Variants in QRFPR observed in about 807,000 individuals in gnomAD.
QRFPR encodes pyroglutamylated RFamide peptide receptor, also known as pyroglutamylated RF-amide peptide receptor.
Under a neutral mutation model 31.3 loss-of-function variants are expected in QRFPR, and 37 were observed. The observed-to-expected ratio is 1.18, with a 90% CI of 0.91 to 1.56. The LOEUF (loss-of-function observed/expected upper bound fraction) is 1.56. QRFPR is among the 40% of genes most tolerant of loss of function. QRFPR has a pLI of 0.00. For missense variants in QRFPR, 542 were observed against 532.5 expected, an observed-to-expected ratio of 1.02 and a Z score of -0.18; for synonymous variants, 197 against 192.0, an observed-to-expected ratio of 1.03 and a Z score of -0.22.
chr4:121,344,373 C>G (rs1007121344), intron 1 of QRFPR, among the ~76,000 whole-genome samples: 6 of 152,160 alleles, frequency 3.9e-5, no homozygotes, highest in African/African-American at 1.2e-4. Flanking sequence ...TTTAATAACC[C>G]ACCTGTGAAT....
intron 1 of QRFPR, among the ~76,000 whole-genome samples, chr4:121,365,962 T>C (rs1315750016): frequency 1.4e-5 from 2 of 147,974 alleles, no homozygotes; most frequent in East Asian, 4.1e-4. Flanking sequence ...TTACTTATAG[T>C]CAGTGTGCAA....
chr4:121,369,625 G>A (rs1402927541), intron 1 of QRFPR: 1 of 1,609,154 alleles, frequency 6.2e-7, no homozygotes, highest in African/African-American at 1.3e-5. Context: ...GGTAGGCCTG[G>A]GTGGCAAAAC....
chr4:121,380,669 G>C lies in QRFPR; in HGVS notation c.-22C>G, dbSNP rs746860676. 3 of 1,484,924 alleles carry C rather than the reference G, an allele frequency of 2.0e-6. No individual in the cohort carries two copies. Among genetic ancestry groups the C allele is most frequent in the Non-Finnish European group, 2.7e-6 (3 of 1,113,856 alleles). The allele number at this position is 1,484,924 out of a possible 1,614,324, so 92.0% of individuals were successfully genotyped here. On this transcript the variant is annotated 5_prime_UTR_variant, in exon 1 of 6. Transcript: ENST00000394427. ...GCATTGCTGTGCGCTCCCGGGACGC[G>C]GGGCCACCGCCCGCTACTGGCTGGC...
intron 1 of QRFPR, among the ~76,000 whole-genome samples, chr4:121,355,582 T>C (rs1725851996): frequency 6.6e-6 from 1 of 152,110 alleles, no homozygotes; most frequent in African/African-American, 2.4e-5. Flanking sequence ...ATCTTTATTA[T>C]TCCTACCTTC....
chr4:121,336,710 T>C, intron 3 of QRFPR, 97 bp downstream of exon 3: 1 of 927,142 alleles, frequency 1.1e-6, no homozygotes, highest in Admixed American at 1.7e-5. Context: ...GTCATACAAA[T>C]TTGCTGTATT....
At chr4:121,376,155 C>G (rs1400679098) in intron 1 of QRFPR, among the ~76,000 whole-genome samples, 1 of 152,126 alleles carries the variant, frequency 6.6e-6, no homozygotes, top group Non-Finnish European at 1.5e-5. Context: ...CAGAGCAACT[C>G]CACCCTCATA....
rs773846571 is a variant in QRFPR, at chr4:121,330,472, A to G, written c.849T>C (p.Ala283=). 6.2e-7 allele frequency: 1 copy of G among 1,614,080 alleles called. No homozygotes were observed. Among genetic ancestry groups the G allele is most frequent in the South Asian group, 1.1e-5 (1 of 91,078 alleles). Residue 283 remains alanine (A), a synonymous_variant, in exon 5 of 6, where the codon GCT becomes GCC. Transcript: ENST00000394427. The part of the protein sequence containing the change: ...IMMVTVVALF[A]VCWAPFHVVH... ...CAACATGGAATGGTGCCCAGCACAC[A>G]GCAAAGAGAGCCACCACTGTCACCA...
At chr4:121,380,197 GAGAGAGAGA>G (rs1560749195) in intron 1 of QRFPR, 102 bp downstream of exon 1, 20,413 of 438,918 alleles carry the variant, frequency 0.047, 716 homozygotes, top group Non-Finnish European at 0.05. Context: ...GAGAGAGAGA[GAGAGAGAGA>G]GAGAGAGAGA....
At chr4:121,343,190 A>G (rs1725577461) in intron 1 of QRFPR, among the ~76,000 whole-genome samples, 1 of 152,220 alleles carries the variant, frequency 6.6e-6, no homozygotes. Context: ...ACTGATGTTT[A>G]CATCAGCCTT....
Position 121,380,802 on chromosome 4 carries a change from G to C in QRFPR, c.-155C>G. ...GGGAGGGCTCTAGGCTGCACCCCGGGAGGTTCGGGAAAGGAGAGCAGCTCA... is the reference window on the plus strand; with the variant it reads ...GGGAGGGCTCTAGGCTGCACCCCGGCAGGTTCGGGAAAGGAGAGCAGCTCA... On this transcript the variant is annotated 5_prime_UTR_variant, in exon 1 of 6. Coordinates refer to ENST00000394427, the MANE Select transcript of QRFPR (RefSeq NM_198179.3). 1 of 655,028 alleles carries C rather than the reference G, an allele frequency of 1.5e-6. No individual in the cohort carries two copies. The allele number at this position is 655,028 out of a possible 1,614,324, so 40.6% of individuals were successfully genotyped here. A position where few individuals can be genotyped will look rare whatever the true frequency, so the allele number is the denominator to read the frequency against.
At chr4:121,332,698 A>G in intron 4 of QRFPR, 123 bp downstream of exon 4, 1 of 718,648 alleles carries the variant, frequency 1.4e-6, no homozygotes, top group Non-Finnish European at 2.3e-6. Flanking sequence ...CCATGCCCTA[A>G]ATTTGAATTG....
In QRFPR at chr4:121,365,441, G is replaced by A. The variant is rs111787272; in HGVS notation, c.340+14867C>T. On this transcript the variant is annotated intron_variant, in intron 1 of 5. Transcript: ENST00000394427. ...CGCACTCCAGCCTGGGCAACAGAGC[G>A]AGACTCCATCTCAAAAATAATAATA... is the stretch of plus-strand genomic sequence containing the variant. Among the ~76,000 whole-genome samples, 171 of 93,658 alleles carry A rather than the reference G, an allele frequency of 1.8e-3. 6 individuals carry two copies. Among genetic ancestry groups the A allele is most frequent in the African/African-American group, 6.2e-3 (154 of 24,908 alleles). 61.4% of individuals were successfully genotyped at this position (93,658 alleles called of 152,430 possible). A position where few individuals can be genotyped will look rare whatever the true frequency, so the allele number is the denominator to read the frequency against.
chr4:121,346,762 A>G (rs1188893990), intron 1 of QRFPR, among the ~76,000 whole-genome samples: 1 of 152,136 alleles, frequency 6.6e-6, no homozygotes, highest in Non-Finnish European at 1.5e-5. Context: ...AAATTTGTCA[A>G]GTGTTTTCTT....
intron 2 of QRFPR, chr4:121,340,239 T>C (rs1725516011): frequency 1.8e-6 from 1 of 547,292 alleles, no homozygotes; most frequent in African/African-American, 1.9e-5. Context: ...TGAAAAAGTA[T>C]ACCCAAAATG....
At chr4:121,369,466 G>A (rs778452654) in intron 1 of QRFPR, 6 of 1,064,190 alleles carry the variant, frequency 5.6e-6, no homozygotes, top group Non-Finnish European at 7.0e-6. Context: ...TCAAGTCACG[G>A]GGTTTGAGAT....
intron 1 of QRFPR, among the ~76,000 whole-genome samples, chr4:121,342,670 C>T (rs560301620): frequency 5.1e-4 from 77 of 151,976 alleles, no homozygotes; most frequent in Middle Eastern, 3.4e-3. Context: ...TTATTTACCC[C>T]TACTAAAATA....
intron 1 of QRFPR, among the ~76,000 whole-genome samples, chr4:121,371,414 C>T (rs988437160): frequency 6.6e-6 from 1 of 152,208 alleles, no homozygotes; most frequent in Non-Finnish European, 1.5e-5. Flanking sequence ...ACTTCTAGAA[C>T]CCCGTTCACT....
intron 1 of QRFPR, among the ~76,000 whole-genome samples, chr4:121,342,546 ATTTCT>A (rs1327943048): frequency 1.3e-5 from 2 of 151,908 alleles, no homozygotes; most frequent in East Asian, 3.8e-4. Context: ...CTCATTCCTC[ATTTCT>A]TTTATTCTAC....
At chr4:121,361,159 T>TTTTCCC (rs1418949494) in intron 1 of QRFPR, among the ~76,000 whole-genome samples, 11 of 133,796 alleles carry the variant, frequency 8.2e-5, no homozygotes, top group African/African-American at 3.1e-4. Flanking sequence ...CTAATTATAA[T>TTTTCCC]TAGAGAAATT....
Sources: gnomAD v4.1 joint callset for allele counts (sites outside exome capture counted in the v4.1 genomes callset) on GRCh38, gnomAD v4.1.1 for gene constraint, MANE v1.5 for transcripts, NCBI Gene and HGNC (gene_info 2026-07-23, HGNC 2026-07-21) for gene names.